The following TMEM132C variants were observed in gnomAD, a reference collection of about 807,000 sequenced individuals.
The protein encoded by TMEM132C is protein phosphatase 1, regulatory subunit 152.
In TMEM132C, 29 loss-of-function variants were observed where a neutral mutation model predicts 61.4. The ratio of observed to expected loss-of-function variants is 0.47; its 90% CI spans 0.35 to 0.64. The LOEUF (loss-of-function observed/expected upper bound fraction) is 0.64. Ranked by LOEUF, TMEM132C falls within the 30% of genes least tolerant of loss-of-function variation. The pLI, the probability that TMEM132C is intolerant of heterozygous loss-of-function variation, is 0.00. For missense variants in TMEM132C, 1,408 were observed against 1,476.9 expected, an observed-to-expected ratio of 0.95 and a Z score of 0.76; for synonymous variants, 656 against 633.1, an observed-to-expected ratio of 1.04 and a Z score of -0.54.
Position 128,349,523 on chromosome 12 carries a change from TC to T in TMEM132C, c.86-65205del, listed in dbSNP as rs1873273383. Among the ~76,000 whole-genome samples, 6 of 152,292 alleles carry T rather than the reference TC, an allele frequency of 3.9e-5. No homozygotes were observed. The South Asian group carries it at 1.2e-3, about 32-fold the overall frequency. ...AGGAAGAGATAGTTGAGACAAGCAC[TC>T]CCCACCTCCCTAAAATTCTATGAAT... On this transcript the variant is annotated intron_variant, in intron 1 of 8. Coordinates refer to ENST00000435159, the MANE Select transcript of TMEM132C (RefSeq NM_001136103.3).
chr12:128,466,138 G>T (rs998658363), intron 2 of TMEM132C, among the ~76,000 whole-genome samples: 1 of 152,218 alleles, frequency 6.6e-6, no homozygotes, highest in Admixed American at 6.5e-5. Context: ...GCCCAGAAAT[G>T]AGACAGCGAT....
rs1238345771 is a variant in TMEM132C, at chr12:128,666,063, ATACACAAACACACAGG to A, written c.1306-3353_1306-3338del. Among the ~76,000 whole-genome samples the A allele has an allele frequency of 1.1e-4, 14 of 125,604 alleles. 1 individual carries two copies. The highest frequency in any genetic ancestry group is 4.8e-4 in the African/African-American group (12 of 25,168). 82.4% of individuals were successfully genotyped at this position (125,604 alleles called of 152,430 possible). ...CACTCATACACAAACACAGGCACTC[ATACACAAACACACAGG>A]CACACACACACAGGCACACATACCC... is the stretch of plus-strand genomic sequence containing the variant. On this transcript the variant is annotated intron_variant, in intron 4 of 8. Coordinates refer to ENST00000435159, the MANE Select transcript of TMEM132C (RefSeq NM_001136103.3).
intron 1 of TMEM132C, among the ~76,000 whole-genome samples, chr12:128,329,525 C>A (rs946245737): frequency 8.5e-5 from 13 of 152,280 alleles, no homozygotes; most frequent in Non-Finnish European, 1.5e-4. Context: ...TGTGTTTTCC[C>A]AGCCCAGGAT....
intron 4 of TMEM132C, among the ~76,000 whole-genome samples, chr12:128,658,279 C>T (rs542069961): frequency 2.0e-5 from 3 of 152,380 alleles, no homozygotes; most frequent in African/African-American, 7.2e-5. Flanking sequence ...TTAGTTTGAA[C>T]TCATGAAGCC....
At chr12:128,617,516 G>A (rs1049026222) in intron 4 of TMEM132C, among the ~76,000 whole-genome samples, 1 of 152,200 alleles carries the variant, frequency 6.6e-6, no homozygotes, top group Admixed American at 6.5e-5. Flanking sequence ...CCCTGGGGCA[G>A]GTGTGGAATC....
intron 1 of TMEM132C, among the ~76,000 whole-genome samples, chr12:128,276,532 C>T (rs745500615): frequency 7.9e-5 from 12 of 152,146 alleles, no homozygotes; most frequent in Admixed American, 5.2e-4. Context: ...ATATTCTTGA[C>T]ACGATCTTAA....
At chr12:128,692,783 G>T (rs1425603287) in intron 5 of TMEM132C, among the ~76,000 whole-genome samples, 1 of 152,166 alleles carries the variant, frequency 6.6e-6, no homozygotes, top group Non-Finnish European at 1.5e-5. Context: ...CCTCTGGGCT[G>T]GTAGATAGAG....
chr12:128,469,662 GTA>G (rs144261529), intron 2 of TMEM132C, among the ~76,000 whole-genome samples: 7,612 of 144,736 alleles, frequency 0.053, 230 homozygotes, highest in Non-Finnish European at 0.064. Flanking sequence ...GTGTGTGTGT[GTA>G]TATATATATA....
At chr12:128,287,544 T>C (rs1426744895) in intron 1 of TMEM132C, among the ~76,000 whole-genome samples, 1 of 152,150 alleles carries the variant, frequency 6.6e-6, no homozygotes, top group Non-Finnish European at 1.5e-5. Flanking sequence ...TGTGTGTCTC[T>C]AGGTGCAATT....
At chr12:128,552,579 C>T (rs189582598) in intron 3 of TMEM132C, among the ~76,000 whole-genome samples, 1 of 152,196 alleles carries the variant, frequency 6.6e-6, no homozygotes, top group East Asian at 1.9e-4. Context: ...ATCAGTTGCA[C>T]AAAATAAAGG....
chr12:128,542,277 C>T (rs917989734), intron 2 of TMEM132C, among the ~76,000 whole-genome samples: 4 of 152,060 alleles, frequency 2.6e-5, no homozygotes, highest in African/African-American at 7.2e-5. Flanking sequence ...TTTCCTCTTC[C>T]GGTCATGGGA....
intron 2 of TMEM132C, among the ~76,000 whole-genome samples, chr12:128,417,523 A>G (rs577513584): frequency 5.9e-5 from 9 of 152,224 alleles, no homozygotes; most frequent in Non-Finnish European, 1.2e-4. Context: ...CAACCAGCTG[A>G]CCTCAATTCT....
At chr12:128,342,596 T>C (rs1021333669) in intron 1 of TMEM132C, among the ~76,000 whole-genome samples, 5 of 152,224 alleles carry the variant, frequency 3.3e-5, no homozygotes, top group Non-Finnish European at 5.9e-5. Flanking sequence ...TCTTCTGTTC[T>C]GTGGGATTCT....
chr12:128,531,695 G>A (rs1391925873), intron 2 of TMEM132C, among the ~76,000 whole-genome samples: 2 of 152,234 alleles, frequency 1.3e-5, no homozygotes, highest in African/African-American at 2.4e-5. Context: ...GAACCAGTCT[G>A]TGCTTCCTCA....
intron 1 of TMEM132C, among the ~76,000 whole-genome samples, chr12:128,321,896 C>G (rs1872346630): frequency 6.6e-6 from 1 of 152,148 alleles, no homozygotes; most frequent in Non-Finnish European, 1.5e-5. Context: ...AGACTGAAGA[C>G]AGGATGTGGT....
At chr12:128,524,866 C>T (rs1206195564) in intron 2 of TMEM132C, among the ~76,000 whole-genome samples, 1 of 152,202 alleles carries the variant, frequency 6.6e-6, no homozygotes, top group Non-Finnish European at 1.5e-5. Context: ...TGATGCCTGC[C>T]TGATGCTTTC....
chr12:128,408,086 G>A (rs1015717324), intron 1 of TMEM132C, among the ~76,000 whole-genome samples: 3 of 152,100 alleles, frequency 2.0e-5, no homozygotes, highest in Admixed American at 6.5e-5. Context: ...AATTCAGAAT[G>A]AGGCTCAACA....
intron 1 of TMEM132C, among the ~76,000 whole-genome samples, chr12:128,386,080 C>T (rs755946271): frequency 8.5e-5 from 13 of 152,108 alleles, no homozygotes; most frequent in African/African-American, 1.7e-4. Flanking sequence ...CTAGAAGACA[C>T]GCATAATGAG....
At chr12:128,580,645 C>G (rs1031265213) in intron 3 of TMEM132C, among the ~76,000 whole-genome samples, 1 of 152,156 alleles carries the variant, frequency 6.6e-6, no homozygotes, top group Non-Finnish European at 1.5e-5. Context: ...TTTCTGAATT[C>G]TCTTGCAAAG....
Sources: allele counts gnomAD v4.1 joint callset (sites outside exome capture counted in the v4.1 genomes callset), GRCh38; gene constraint gnomAD v4.1.1; transcripts MANE v1.5; gene names NCBI Gene and HGNC (gene_info 2026-07-23, HGNC 2026-07-21).